Variants in CLPX observed in about 807,000 individuals in gnomAD.
CLPX encodes the protein caseinolytic mitochondrial matrix peptidase chaperone subunit X, also known as ATP-dependent clpX-like chaperone, mitochondrial.
In CLPX, 34 loss-of-function variants were observed where a neutral mutation model predicts 76.4. The observed-to-expected ratio is 0.45, with a 90% CI of 0.34 to 0.59. The LOEUF is 0.59. Among genes scored for constraint, CLPX ranks in the 20% least tolerant of loss-of-function variants. The probability of loss-of-function intolerance (pLI) is 0.01; values close to 1 mark genes in which losing one functional copy is unlikely to be tolerated. For missense variants in CLPX, 613 were observed against 757.0 expected (o/e 0.81, Z 2.23); for synonymous variants, 248 against 270.9 (o/e 0.92, Z 0.83).
intron 1 of CLPX, among the ~76,000 whole-genome samples, chr15:65,180,972 G>A (rs566599637): frequency 6.6e-6 from 1 of 151,730 alleles, no homozygotes; most frequent in African/African-American, 2.4e-5. Context: ...AGGCGCGGTG[G>A]CTCATGCCTG....
At chr15:65,184,911 C>A (rs535400820) in intron 1 of CLPX, among the ~76,000 whole-genome samples, 164 bp downstream of exon 1, 2 of 152,230 alleles carry the variant, frequency 1.3e-5, no homozygotes, top group African/African-American at 4.8e-5. Flanking sequence ...GTTGGCAGAG[C>A]CCCATTCCAC....
At position 65,179,984 on chromosome 15, in the gene CLPX, T is replaced by C. The variant is rs190692537; in HGVS notation, c.240+60A>G. 50 of 1,279,224 alleles carry C rather than the reference T, an allele frequency of 3.9e-5. No homozygotes were observed. In the Middle Eastern group the frequency reaches 6.2e-4, roughly 16 times the overall value. The allele number at this position is 1,279,224 out of a possible 1,614,324, so 79.2% of individuals were successfully genotyped here. A position where few individuals can be genotyped will look rare whatever the true frequency, so the allele number is the denominator to read the frequency against. The stretch of plus-strand genomic sequence containing the variant: ...AAGCCAGTAAGAGACAGTACTGTTA[T>C]ATTTTTTTAAAGGAGGGAACTCACA... On this transcript the variant is annotated intron_variant, in intron 2 of 13. Transcript: ENST00000300107.
intron 10 of CLPX, among the ~76,000 whole-genome samples, chr15:65,155,476 G>C (rs1375559007): frequency 6.6e-6 from 1 of 152,140 alleles, no homozygotes; most frequent in Non-Finnish European, 1.5e-5. Flanking sequence ...TTGAACTCCT[G>C]AGCTCAGGCA....
rs2087696328 is a variant in CLPX at position 65,149,706 on chromosome 15, A to C, written c.*1117T>G. 2 of 298,584 alleles carry C rather than the reference A, an allele frequency of 6.7e-6. No homozygotes were observed. The highest frequency in any genetic ancestry group is 4.6e-5 in the African/African-American group (2 of 43,090). 18.5% of individuals were successfully genotyped at this position (298,584 alleles called of 1,614,324 possible). On this transcript the variant is annotated 3_prime_UTR_variant, in exon 14 of 14. Transcript: ENST00000300107. ...GAAACCCTGTCTCTACTAAAAATAC[A>C]AAAATTAGCCAGGTGTGGTGGTGCG...
chr15:65,179,386 T>C (rs2088133785), intron 2 of CLPX, among the ~76,000 whole-genome samples: 1 of 152,232 alleles, frequency 6.6e-6, no homozygotes, highest in African/African-American at 2.4e-5. Flanking sequence ...TCAGGAGTTA[T>C]TATCATGGTA....
At chr15:65,177,617 C>T (rs2088106650) in intron 3 of CLPX, among the ~76,000 whole-genome samples, 1 of 152,126 alleles carries the variant, frequency 6.6e-6, no homozygotes, top group Non-Finnish European at 1.5e-5. Flanking sequence ...AATCTTGAAG[C>T]TTTCTTCAAT....
chr15:65,157,469 T>C (rs1217871980), intron 8 of CLPX, among the ~76,000 whole-genome samples: 1 of 152,170 alleles, frequency 6.6e-6, no homozygotes, highest in African/African-American at 2.4e-5. Flanking sequence ...ATTAGAAGTC[T>C]TGAGGGGAGT....
intron 11 of CLPX, 182 bp downstream of exon 11, chr15:65,154,600 A>G: frequency 1.8e-6 from 1 of 556,986 alleles, no homozygotes; most frequent in Non-Finnish European, 3.1e-6. Context: ...GAAAAAATAA[A>G]GACAACTCCT....
At chr15:65,153,665 T>C in intron 11 of CLPX, 26 bp from the exon 12 acceptor site, 4 of 1,283,150 alleles carry the variant, frequency 3.1e-6, no homozygotes, top group Non-Finnish European at 3.2e-6. Context: ...AAATAAATTA[T>C]AACTTTTATT....
chr15:65,185,117 C>G lies in CLPX; in HGVS notation c.37G>C (p.Ala13Pro). The G allele has an allele frequency of 6.3e-7, 1 of 1,580,566 alleles. No individual in the cohort carries two copies. The highest frequency in any genetic ancestry group is 8.6e-7 in the Non-Finnish European group (1 of 1,164,002). The change falls in exon 1 of 14, where the codon GCC (alanine) becomes CCC (proline). Residue 13 changes from alanine to proline, a missense_variant. Ala to Pro is a conservative substitution (Grantham distance 27). Around this residue, in one of 2 missense-constraint regions of CLPX, gnomAD observed 163 missense variants for 118.4 expected, o/e 1.38. Transcript: ENST00000300107. ...AGTGAGGAGGTGATGAGCCGGACGG[C>G]CGCCGCGCCGCAAGTACAAGCACCG... is the stretch of plus-strand genomic sequence containing the variant. ...SCGACTCGAA[A>P]VRLITSSLAS...
At chr15:65,158,473 TTC>T in intron 7 of CLPX, 100 bp downstream of exon 7, 1 of 962,566 alleles carries the variant, frequency 1.0e-6, no homozygotes, top group Admixed American at 2.4e-5. Flanking sequence ...TTAGATTTTC[TTC>T]TCAAGAGCCG....
chr15:65,176,125 CTAAAG>C (rs1353646828), intron 3 of CLPX, among the ~76,000 whole-genome samples: 4 of 152,220 alleles, frequency 2.6e-5, no homozygotes, highest in Non-Finnish European at 5.9e-5. Flanking sequence ...ATTGATTACA[CTAAAG>C]TAGTGTTTCC....
intron 3 of CLPX, among the ~76,000 whole-genome samples, chr15:65,169,781 G>GT (rs1404915886): frequency 4.6e-5 from 7 of 150,614 alleles, no homozygotes; most frequent in Non-Finnish European, 1.0e-4. Flanking sequence ...TTGAGACAGA[G>GT]TTTCGCTCTT....
At position 65,174,873 on chromosome 15, in the gene CLPX, C is replaced by T. The variant is rs534119630; in HGVS notation, c.358+4061G>A. Reference sequence around the variant, plus strand: ...CAATTCAAACCCACTGTTCGGGAGTCAACTGCATTAACATACACAGCTCTC... The same window carrying T: ...CAATTCAAACCCACTGTTCGGGAGTTAACTGCATTAACATACACAGCTCTC... On this transcript the variant is annotated intron_variant, in intron 3 of 13. Coordinates refer to ENST00000300107, the MANE Select transcript of CLPX (RefSeq NM_006660.5). 8.2e-4 allele frequency among the ~76,000 whole-genome samples: 125 copies of T among 152,278 alleles called. 1 individual carries two copies. Among genetic ancestry groups the T allele is most frequent in the African/African-American group, 2.9e-3 (119 of 41,554 alleles).
chr15:65,161,009 C>T (rs2140623152), intron 6 of CLPX, among the ~76,000 whole-genome samples: 1 of 152,226 alleles, frequency 6.6e-6, no homozygotes, highest in South Asian at 2.1e-4. Flanking sequence ...AGTTTTCTTA[C>T]TTCTAAAATG....
At position 65,167,227 on chromosome 15, in the gene CLPX, T is replaced by C. The variant is rs184759783; in HGVS notation, c.359-442A>G. Among the ~76,000 whole-genome samples, 747 of 152,174 alleles carry C rather than the reference T, an allele frequency of 4.9e-3. 6 individuals are homozygous for C. The highest frequency in any genetic ancestry group is 8.4e-3 in the Non-Finnish European group (572 of 67,992). On this transcript the variant is annotated intron_variant, in intron 3 of 13. Transcript: ENST00000300107. The stretch of plus-strand genomic sequence containing the variant: ...CTGGGATTACAGGGGTGCACCACCA[T>C]GCCCAGCTAATTTTTGTATTTTTAG...
At chr15:65,180,264 C>A in intron 1 of CLPX, 60 bp from the exon 2 acceptor site, 1 of 1,326,764 alleles carries the variant, frequency 7.5e-7, no homozygotes, top group South Asian at 1.5e-5. Flanking sequence ...CCCCTGGAAA[C>A]AAAAATTCCT....
intron 3 of CLPX, among the ~76,000 whole-genome samples, chr15:65,173,770 G>A (rs764538180): frequency 7.2e-5 from 11 of 152,186 alleles, no homozygotes; most frequent in East Asian, 3.8e-4. Flanking sequence ...AATAAGGCTG[G>A]TATGAAATGC....
In CLPX at chr15:65,152,417, A is replaced by C. The variant is rs1193389947; in HGVS notation, c.1811+13T>G. 2 of 1,381,498 alleles carry C rather than the reference A, an allele frequency of 1.4e-6. No individual in the cohort carries two copies. 85.6% of individuals were successfully genotyped at this position (1,381,498 alleles called of 1,614,324 possible). A position where few individuals can be genotyped will look rare whatever the true frequency, so the allele number is the denominator to read the frequency against. The stretch of plus-strand genomic sequence containing the variant: ...AAATTTTGTATCTGTTCTGGCTTGA[A>C]AATACACTTTACCGGATGTATCCTG... On this transcript the variant is annotated intron_variant, in intron 13 of 13. Coordinates refer to ENST00000300107, the MANE Select transcript of CLPX (RefSeq NM_006660.5).
Sources: allele counts gnomAD v4.1 joint callset (sites outside exome capture counted in the v4.1 genomes callset), GRCh38; gene constraint gnomAD v4.1.1; regional missense constraint gnomAD v4.1.1; transcripts MANE v1.5; gene names NCBI Gene and HGNC (gene_info 2026-07-23, HGNC 2026-07-21).